NAALADL2: variants seen among roughly 807,000 people sequenced by gnomAD.
NAALADL2 encodes N-acetylated alpha-linked acidic dipeptidase like 2, also known as inactive N-acetylated-alpha-linked acidic dipeptidase-like protein 2.
NAALADL2 carries 76 observed loss-of-function variants against 87.2 expected under a neutral mutation model. The observed-to-expected ratio is 0.87, with a 90% CI of 0.72 to 1.05. The LOEUF is 1.05. Ranked by LOEUF, NAALADL2 falls within the 50% of genes least tolerant of loss-of-function variation. The probability of loss-of-function intolerance (pLI) is 0.00; values close to 1 mark genes in which losing one functional copy is unlikely to be tolerated. For synonymous variants in NAALADL2, 354 were observed against 331.0 expected (o/e 1.07, Z -0.75); for missense variants, 1,089 against 945.8 (o/e 1.15, Z -1.99).
At chr3:175,250,148 A>G (rs1581119273) in intron 3 of NAALADL2, among the ~76,000 whole-genome samples, 1 of 151,594 alleles carries the variant, frequency 6.6e-6, no homozygotes, top group African/African-American at 2.4e-5. Context: ...CAGCCTGGGC[A>G]ACAAGAGCAA....
At position 175,679,948 on chromosome 3, in the gene NAALADL2, G is replaced by GA. The variant is rs58297847; in HGVS notation, c.1896+52569dup. Among the ~76,000 whole-genome samples the GA allele has an allele frequency of 6.0e-3, 916 of 151,740 alleles. 9 individuals are homozygous for GA. Among genetic ancestry groups the GA allele is most frequent in the African/African-American group, 0.022 (895 of 41,356 alleles). ...CAACTTGATAGGAAAAAGAAGGTGA[G>GA]AAAAAAAGGATGCCGTCACATATTT... On this transcript the variant is annotated intron_variant, in intron 11 of 13. Coordinates refer to ENST00000454872, the MANE Select transcript of NAALADL2 (RefSeq NM_207015.3).
chr3:175,538,766 A>G (rs1401914351), intron 9 of NAALADL2, among the ~76,000 whole-genome samples: 1 of 152,214 alleles, frequency 6.6e-6, no homozygotes, highest in Non-Finnish European at 1.5e-5. Flanking sequence ...TTAGTTAACA[A>G]GTATTTATTG....
chr3:175,568,104 T>A (rs981096269), intron 9 of NAALADL2, among the ~76,000 whole-genome samples: 3 of 150,582 alleles, frequency 2.0e-5, no homozygotes, highest in Admixed American at 6.6e-5. Flanking sequence ...AAGTTATATA[T>A]TAATTTTTAA....
At chr3:175,089,476 A>C (rs1022721116) in intron 1 of NAALADL2, among the ~76,000 whole-genome samples, 1 of 152,206 alleles carries the variant, frequency 6.6e-6, no homozygotes, top group Admixed American at 6.5e-5. Flanking sequence ...AGATAACCTC[A>C]TCTATAAAAC....
intron 2 of NAALADL2, among the ~76,000 whole-genome samples, chr3:174,689,036 G>A (rs1451065518): frequency 1.3e-5 from 2 of 151,798 alleles, no homozygotes; most frequent in African/African-American, 2.4e-5. Context: ...AGTTGTTACA[G>A]GAACATTCTG....
chr3:175,326,170 C>A (rs115434093), intron 5 of NAALADL2, among the ~76,000 whole-genome samples: 5 of 152,218 alleles, frequency 3.3e-5, no homozygotes, highest in Non-Finnish European at 7.3e-5. Context: ...TAAAGCCCTA[C>A]GGCATGGACA....
intron 5 of NAALADL2, among the ~76,000 whole-genome samples, chr3:175,346,890 T>C (rs1467874899): frequency 1.3e-5 from 2 of 152,264 alleles, no homozygotes; most frequent in African/African-American, 2.4e-5. Flanking sequence ...CAAAACAAAA[T>C]AAAAATAATA....
At chr3:174,843,054 CAG>C (rs1724201276) in intron 3 of NAALADL2, among the ~76,000 whole-genome samples, 1 of 152,038 alleles carries the variant, frequency 6.6e-6, no homozygotes, top group Admixed American at 6.6e-5. Context: ...ACAATCAAAT[CAG>C]GGTATTTAGC....
intron 2 of NAALADL2, among the ~76,000 whole-genome samples, chr3:174,640,508 G>A (rs1723066393): frequency 6.6e-6 from 1 of 152,168 alleles, no homozygotes; most frequent in Non-Finnish European, 1.5e-5. Flanking sequence ...ACCCAGAGGA[G>A]CCTTATAGGA....
At chr3:175,356,788 G>C (rs78112295) in intron 5 of NAALADL2, among the ~76,000 whole-genome samples, 6,352 of 151,950 alleles carry the variant, frequency 0.042, 449 homozygotes, top group African/African-American at 0.14. Flanking sequence ...AATGGAAAAA[G>C]TGACTTTGAG....
intron 11 of NAALADL2, among the ~76,000 whole-genome samples, chr3:175,726,494 C>G (rs1742940752): frequency 6.6e-6 from 1 of 152,098 alleles, no homozygotes; most frequent in Non-Finnish European, 1.5e-5. Context: ...TCCCTTGCCC[C>G]TCGAATGGGA....
intron 2 of NAALADL2, among the ~76,000 whole-genome samples, chr3:175,204,650 A>AAC (rs1740558057): frequency 1.3e-5 from 2 of 151,252 alleles, no homozygotes; most frequent in Non-Finnish European, 3.0e-5. Flanking sequence ...GAGGAAGTCA[A>AAC]ACTGTCAGTG....
chr3:174,973,887 G>A (rs189906295), intron 1 of NAALADL2, among the ~76,000 whole-genome samples: 50 of 152,242 alleles, frequency 3.3e-4, no homozygotes, highest in South Asian at 1.2e-3. Context: ...TCATCATGTG[G>A]CATATGATTG....
Position 175,097,283 on chromosome 3 carries a change from G to C in NAALADL2, c.537G>C (p.Lys179Asn), listed in dbSNP as rs367765642. Residue 179 changes from lysine (K) to asparagine (N), a missense_variant, in exon 2 of 14, where the codon AAG (lysine) becomes AAC (asparagine). Physicochemically the swap from Lys to Asn is moderately conservative, Grantham distance 94. Coordinates refer to ENST00000454872, the MANE Select transcript of NAALADL2 (RefSeq NM_207015.3). ...CAATCCAGGCAGAAGATATTAAGAA[G>C]TCTTTCAGGTAGGTGAAGAAGAAAC... ...LKTIQAEDIK[K>N]SFRNLVQLYK... 3.7e-5 allele frequency: 60 copies of C among 1,604,418 alleles called. No individual in the cohort carries two copies. Among genetic ancestry groups the C allele is most frequent in the Middle Eastern group, 1.7e-4 (1 of 6,020 alleles).
At chr3:175,531,936 A>G (rs1260454128) in intron 9 of NAALADL2, among the ~76,000 whole-genome samples, 1 of 152,220 alleles carries the variant, frequency 6.6e-6, no homozygotes, top group Non-Finnish European at 1.5e-5. Flanking sequence ...TAATCTCCAC[A>G]GTCCCTCAAG....
chr3:174,714,072 T>G (rs369446807), intron 2 of NAALADL2, among the ~76,000 whole-genome samples: 60 of 152,228 alleles, frequency 3.9e-4, no homozygotes, highest in African/African-American at 1.2e-3. Flanking sequence ...TTTCCCCATT[T>G]CTTGTTTTTG....
intron 1 of NAALADL2, among the ~76,000 whole-genome samples, chr3:175,034,193 C>T (rs1753125158): frequency 6.6e-6 from 1 of 152,062 alleles, no homozygotes; most frequent in Non-Finnish European, 1.5e-5. Flanking sequence ...TTAATAAGCC[C>T]TCCTTGGCTA....
intron 2 of NAALADL2, among the ~76,000 whole-genome samples, chr3:175,212,863 G>A (rs1174356290): frequency 6.6e-6 from 1 of 152,120 alleles, no homozygotes; most frequent in East Asian, 1.9e-4. Flanking sequence ...ATTGGTTAAA[G>A]CTTTACGAGC....
In NAALADL2 at chr3:175,718,412, G is replaced by A. The variant is rs993444201; in HGVS notation, c.1897-18894G>A. 8 of 1,589,242 alleles carry A rather than the reference G, an allele frequency of 5.0e-6. No individual in the cohort carries two copies. In the African/African-American group the frequency reaches 9.4e-5, roughly 19 times the overall value. ...ATTTACTCCATTCATATTAATTTTT[G>A]TTACAAATCTTAAAAAGGGGGGTGC... On this transcript the variant is annotated intron_variant, in intron 11 of 13. Coordinates refer to ENST00000454872, the MANE Select transcript of NAALADL2 (RefSeq NM_207015.3).
Sources: allele counts gnomAD v4.1 joint callset (sites outside exome capture counted in the v4.1 genomes callset), GRCh38; gene constraint gnomAD v4.1.1; transcripts MANE v1.5; gene names NCBI Gene and HGNC (gene_info 2026-07-23, HGNC 2026-07-21).